The following PUDP variants were observed in gnomAD, a reference collection of about 807,000 sequenced individuals.
PUDP encodes pseudouridine-5'-phosphatase.
PUDP carries 8 observed loss-of-function variants against 9.4 expected under a neutral mutation model. That is an observed-to-expected ratio of 0.85 (90% CI 0.50 to 1.53). The LOEUF (loss-of-function observed/expected upper bound fraction) is 1.53. Ranked by LOEUF, PUDP falls within the 40% of genes most tolerant of loss-of-function variation. The pLI, the probability that PUDP is intolerant of heterozygous loss-of-function variation, is 0.00. For missense variants in PUDP, 188 were observed against 189.7 expected (o/e 0.99, Z 0.05); for synonymous variants, 99 against 80.7 (o/e 1.23, Z -1.22).
chrX:7,000,931 G>C (rs1187464819), intron 1 of PUDP, among the ~76,000 whole-genome samples: 1 of 107,494 alleles, frequency 9.3e-6, no homozygotes, highest in Non-Finnish European at 1.9e-5. Flanking sequence ...ATTGTATCAA[G>C]CTTCATCTTG....
At chrX:6,822,541 C>T (rs1926358604) in intron 3 of PUDP, among the ~76,000 whole-genome samples, 1 of 112,094 alleles carries the variant, frequency 8.9e-6, no homozygotes, top group African/African-American at 3.2e-5. Flanking sequence ...ATTCTTCTGC[C>T]TCAGCCTCCC....
At chrX:7,117,116 G>T in intron 1 of PUDP, 1 of 1,107,048 alleles carries the variant, frequency 9.0e-7, no homozygotes, top group Non-Finnish European at 1.2e-6. Flanking sequence ...TGCAAGCACG[G>T]CCTAATACAG....
chrX:6,987,240 TGAGGAAA>T (rs374864754), intron 1 of PUDP, among the ~76,000 whole-genome samples: 7 of 112,071 alleles, frequency 6.2e-5, no homozygotes, highest in African/African-American at 2.3e-4. Context: ...AGAGGTGGCC[TGAGGAAA>T]GAGTTTAGGT....
chrX:7,115,325 T>C (rs757250275), intron 1 of PUDP, among the ~76,000 whole-genome samples: 3 of 112,766 alleles, frequency 2.7e-5, no homozygotes, highest in Non-Finnish European at 5.6e-5. Flanking sequence ...TCATTACATA[T>C]GAAATCACAG....
intron 3 of PUDP, among the ~76,000 whole-genome samples, chrX:7,054,630 C>T (rs980916383): frequency 1.8e-5 from 2 of 111,345 alleles, no homozygotes; most frequent in African/African-American, 3.3e-5. Context: ...CTGATGTAAA[C>T]AGCCATGGGT....
At chrX:7,080,400 T>C (rs1430926383) in intron 2 of PUDP, among the ~76,000 whole-genome samples, 1 of 111,714 alleles carries the variant, frequency 9.0e-6, no homozygotes, top group African/African-American at 3.3e-5. Flanking sequence ...AAAAAAAGGA[T>C]GCCAATTCTA....
At chrX:7,079,532 C>T (rs187089715) in intron 2 of PUDP, among the ~76,000 whole-genome samples, 15 of 112,518 alleles carry the variant, frequency 1.3e-4, no homozygotes, top group African/African-American at 3.5e-4. Context: ...TTTAAGTGCA[C>T]GTGGAACATT....
intron 3 of PUDP, among the ~76,000 whole-genome samples, chrX:6,964,286 A>G (rs1473227676): frequency 8.9e-6 from 1 of 112,485 alleles, no homozygotes; most frequent in African/African-American, 3.2e-5. Flanking sequence ...ATATACTTTC[A>G]GGAGAACTAA....
intron 3 of PUDP, among the ~76,000 whole-genome samples, chrX:6,800,217 C>T (rs1925910109): frequency 8.9e-6 from 1 of 112,016 alleles, no homozygotes; most frequent in South Asian, 3.8e-4. Context: ...CACATTGAGA[C>T]TTTGATATAG....
chrX:6,786,045 C>A (rs187403497), intron 3 of PUDP, among the ~76,000 whole-genome samples: 62 of 111,677 alleles, frequency 5.6e-4, no homozygotes, highest in African/African-American at 2.0e-3. Flanking sequence ...CAAGCCCAAC[C>A]ACCTCCAGTA....
At chrX:6,993,412 T>A (rs1217937717) in intron 1 of PUDP, among the ~76,000 whole-genome samples, 1 of 111,843 alleles carries the variant, frequency 8.9e-6, no homozygotes, top group Non-Finnish European at 1.9e-5. Context: ...AGGAAGCAAA[T>A]TATAACCAAG....
intron 1 of PUDP, among the ~76,000 whole-genome samples, chrX:7,040,420 A>G (rs1335281049): frequency 9.0e-6 from 1 of 111,594 alleles, no homozygotes; most frequent in Non-Finnish European, 1.9e-5. Flanking sequence ...CACATGGAAA[A>G]GCTGCCCTGG....
At chrX:6,793,556 A>G (rs1925787928) in intron 3 of PUDP, among the ~76,000 whole-genome samples, 1 of 112,277 alleles carries the variant, frequency 8.9e-6, no homozygotes, top group Non-Finnish European at 1.9e-5. Flanking sequence ...AAAGAGTCTC[A>G]ATGACATGAT....
intron 3 of PUDP, among the ~76,000 whole-genome samples, chrX:6,964,883 T>G (rs1186278495): frequency 9.0e-6 from 1 of 111,051 alleles, no homozygotes; most frequent in Non-Finnish European, 1.9e-5. Context: ...CTTTCCTAAG[T>G]TTTTTCCCCC....
chrX:6,836,175 C>T (rs1356850193), intron 3 of PUDP, among the ~76,000 whole-genome samples: 1 of 111,548 alleles, frequency 9.0e-6, no homozygotes, highest in Admixed American at 9.5e-5. Context: ...TATGCACATG[C>T]ATATTTATGT....
At chrX:6,857,142 A>G (rs1172833557) in intron 3 of PUDP, among the ~76,000 whole-genome samples, 1 of 112,684 alleles carries the variant, frequency 8.9e-6, no homozygotes, top group Non-Finnish European at 1.9e-5. Flanking sequence ...CAAAAAAAGC[A>G]AACAAAACAA....
intron 3 of PUDP, among the ~76,000 whole-genome samples, chrX:6,890,418 C>A (rs1398958494): frequency 8.9e-6 from 1 of 111,819 alleles, no homozygotes. Flanking sequence ...ATATCTACAG[C>A]AGTTTTGAGG....
chrX:7,029,451 A>G (rs775124240), intron 1 of PUDP, among the ~76,000 whole-genome samples: 1 of 112,662 alleles, frequency 8.9e-6, no homozygotes, highest in South Asian at 3.7e-4. Flanking sequence ...TTTAAGTAAT[A>G]GAGACTTCCC....
At chrX:6,735,966 G>A (rs1375354311) in intron 3 of PUDP, among the ~76,000 whole-genome samples, 2 of 108,522 alleles carry the variant, frequency 1.8e-5, no homozygotes, top group Non-Finnish European at 3.8e-5. Flanking sequence ...TTGAGCCTGG[G>A]AGATTGAGGC....
Sources: allele counts gnomAD v4.1 joint callset (sites outside exome capture counted in the v4.1 genomes callset), GRCh38; gene constraint gnomAD v4.1.1; transcripts MANE v1.5; gene names NCBI Gene and HGNC (gene_info 2026-07-23, HGNC 2026-07-21).